The following UBE2E2 variants were observed in gnomAD, a reference collection of about 807,000 sequenced individuals.
UBE2E2 encodes the protein ubiquitin-conjugating enzyme E2 E2.
A neutral mutation model predicts 24.7 loss-of-function variants in UBE2E2; 6 were observed. That is an observed-to-expected ratio of 0.24 (90% CI 0.13 to 0.48). The LOEUF is 0.48. Ranked by LOEUF, UBE2E2 falls within the 20% of genes least tolerant of loss-of-function variation. UBE2E2 has a pLI of 0.99. For synonymous variants in UBE2E2, 104 were observed against 83.6 expected (o/e 1.24, Z -1.33); for missense variants, 169 against 245.0 (o/e 0.69, Z 2.07).
intron 3 of UBE2E2, among the ~76,000 whole-genome samples, chr3:23,243,119 A>G (rs561769845): frequency 1.2e-4 from 18 of 152,112 alleles, no homozygotes; most frequent in African/African-American, 4.1e-4. Context: ...AAAAGAAAAT[A>G]GTTATCACTG....
chr3:23,428,990 C>T (rs1367598806), intron 3 of UBE2E2, among the ~76,000 whole-genome samples: 1 of 112,362 alleles, frequency 8.9e-6, no homozygotes, highest in African/African-American at 3.4e-5. Flanking sequence ...ATATTTTGAA[C>T]ATTAAAAGGG....
chr3:23,522,352 G>A (rs1047903940), intron 4 of UBE2E2, among the ~76,000 whole-genome samples: 9 of 152,170 alleles, frequency 5.9e-5, no homozygotes, highest in South Asian at 2.1e-4. Flanking sequence ...GGATGGTCTC[G>A]ATATCCTGAC....
In UBE2E2 at chr3:23,297,683, A is replaced by G. The variant is rs535671327; in HGVS notation, c.227+80371A>G. 2.7e-3 allele frequency among the ~76,000 whole-genome samples: 418 copies of G among 152,184 alleles called. 1 individual carries two copies. Among genetic ancestry groups the G allele is most frequent in the African/African-American group, 9.7e-3 (402 of 41,560 alleles). Reference sequence around the variant, plus strand: ...GTACCAGTACCATGCTGTTTTGGTTACTGTAGCCTTGTAGTATAGTTTGAA... The same window carrying G: ...GTACCAGTACCATGCTGTTTTGGTTGCTGTAGCCTTGTAGTATAGTTTGAA... On this transcript the variant is annotated intron_variant, in intron 3 of 5. Coordinates refer to ENST00000396703, the MANE Select transcript of UBE2E2 (RefSeq NM_152653.4).
chr3:23,454,049 TGTAA>T (rs1261376217), intron 3 of UBE2E2, among the ~76,000 whole-genome samples: 2 of 152,154 alleles, frequency 1.3e-5, no homozygotes, highest in Non-Finnish European at 2.9e-5. Context: ...TGTTGCTAAA[TGTAA>T]GTATTTAATT....
chr3:23,586,925 CAT>C (rs1156844703), intron 5 of UBE2E2, among the ~76,000 whole-genome samples: 2 of 147,470 alleles, frequency 1.4e-5, no homozygotes, highest in African/African-American at 5.0e-5. Flanking sequence ...TTTTTTACAT[CAT>C]GTGATTAGAA....
intron 3 of UBE2E2, among the ~76,000 whole-genome samples, chr3:23,485,389 G>A (rs574056162): frequency 1.3e-5 from 2 of 152,052 alleles, no homozygotes; most frequent in African/African-American, 2.4e-5. Context: ...GAGCCTCCAC[G>A]CCTGGCCTCA....
intron 3 of UBE2E2, among the ~76,000 whole-genome samples, chr3:23,417,188 T>C (rs891784946): frequency 6.6e-6 from 1 of 152,238 alleles, no homozygotes; most frequent in Admixed American, 6.5e-5. Flanking sequence ...CTTCGTGGAT[T>C]TACCTACCTT....
rs1301883659 is a variant in UBE2E2 at position 23,407,248 on chromosome 3, C to A, written c.228-92360C>A. On this transcript the variant is annotated intron_variant, in intron 3 of 5. Coordinates refer to ENST00000396703, the MANE Select transcript of UBE2E2 (RefSeq NM_152653.4). This position sits in a 1 kb window ranked among gnomAD's most constrained non-coding sequence, Gnocchi z 4.0. ...ATCAAGCTTTACACATTTTTTTCCCCATTTTTTTTCTGGAAAGAATAAAAA... is the reference window on the plus strand; with the variant it reads ...ATCAAGCTTTACACATTTTTTTCCCAATTTTTTTTCTGGAAAGAATAAAAA... 7.2e-6 allele frequency among the ~76,000 whole-genome samples: 1 copy of A among 138,266 alleles called. No homozygotes were observed. Among genetic ancestry groups the A allele is most frequent in the African/African-American group, 2.6e-5 (1 of 39,026 alleles). 90.7% of individuals were successfully genotyped at this position (138,266 alleles called of 152,430 possible).
At chr3:23,263,195 G>T (rs956817614) in intron 3 of UBE2E2, among the ~76,000 whole-genome samples, 3 of 152,114 alleles carry the variant, frequency 2.0e-5, no homozygotes, top group Admixed American at 2.0e-4. Context: ...ACTGCTCAAC[G>T]GAATTTTGAC....
rs575998884 is a variant in UBE2E2 at position 23,466,169 on chromosome 3, A to G, written c.228-33439A>G. 3.3e-4 allele frequency among the ~76,000 whole-genome samples: 50 copies of G among 152,344 alleles called. 1 individual carries two copies. Among genetic ancestry groups the G allele is most frequent in the South Asian group, 2.1e-4 (1 of 4,824 alleles). ...TTTCTGTTAGGAAAAGTATACAGCC[A>G]GCACACCAAAGCCATGACTTCATGA... On this transcript the variant is annotated intron_variant, in intron 3 of 5. Coordinates refer to ENST00000396703, the MANE Select transcript of UBE2E2 (RefSeq NM_152653.4).
chr3:23,307,999 G>T (rs1451547100), intron 3 of UBE2E2, among the ~76,000 whole-genome samples: 1 of 152,104 alleles, frequency 6.6e-6, no homozygotes, highest in African/African-American at 2.4e-5. Context: ...ACCTTCTAGG[G>T]AAACAGGTTT....
At chr3:23,341,224 T>C (rs1254180035) in intron 3 of UBE2E2, among the ~76,000 whole-genome samples, 1 of 152,130 alleles carries the variant, frequency 6.6e-6, no homozygotes, top group African/African-American at 2.4e-5. Flanking sequence ...AATTATCTTA[T>C]TGGTGGTGAT....
At chr3:23,205,976 T>C (rs1696134473) in intron 1 of UBE2E2, among the ~76,000 whole-genome samples, 1 of 152,218 alleles carries the variant, frequency 6.6e-6, no homozygotes, top group Admixed American at 6.5e-5. Flanking sequence ...ACTAATGTTA[T>C]ACACAACTGA....
chr3:23,330,002 A>T (rs1445965408), intron 3 of UBE2E2, among the ~76,000 whole-genome samples: 1 of 152,184 alleles, frequency 6.6e-6, no homozygotes, highest in African/African-American at 2.4e-5. Flanking sequence ...TTGTGCATTT[A>T]AAAAAACAGG....
At chr3:23,205,875 G>A (rs1464135554) in intron 1 of UBE2E2, among the ~76,000 whole-genome samples, 1 of 152,098 alleles carries the variant, frequency 6.6e-6, no homozygotes, top group Non-Finnish European at 1.5e-5. Flanking sequence ...ACATCATTGA[G>A]TAATCTTTTT....
intron 3 of UBE2E2, among the ~76,000 whole-genome samples, chr3:23,350,147 A>G (rs1695695822): frequency 1.3e-5 from 2 of 152,220 alleles, no homozygotes; most frequent in South Asian, 4.1e-4. Context: ...GACCTCTAGC[A>G]AACTCCAACA....
intron 5 of UBE2E2, among the ~76,000 whole-genome samples, chr3:23,539,208 A>G (rs1695332269): frequency 6.6e-6 from 1 of 152,200 alleles, no homozygotes; most frequent in Non-Finnish European, 1.5e-5. Context: ...GTCTTTATTT[A>G]TAACCAACAA....
At chr3:23,338,735 A>G (rs889904096) in intron 3 of UBE2E2, among the ~76,000 whole-genome samples, 2 of 152,212 alleles carry the variant, frequency 1.3e-5, no homozygotes, top group African/African-American at 4.8e-5. Context: ...TTTGAGCACT[A>G]TAATAATGGG....
chr3:23,306,808 T>C (rs1255351258), intron 3 of UBE2E2, among the ~76,000 whole-genome samples: 1 of 152,162 alleles, frequency 6.6e-6, no homozygotes, highest in Non-Finnish European at 1.5e-5. Context: ...GATGGGTGCA[T>C]GATGTGCAGA....
Sources: allele counts gnomAD v4.1 joint callset (sites outside exome capture counted in the v4.1 genomes callset), GRCh38; gene constraint gnomAD v4.1.1; non-coding constraint Gnocchi (gnomAD v3.1); transcripts MANE v1.5; gene names NCBI Gene and HGNC (gene_info 2026-07-23, HGNC 2026-07-21).